The following SLK variants were observed in gnomAD, a reference collection of about 807,000 sequenced individuals.
SLK encodes STE20 like kinase.
In SLK, 67 loss-of-function variants were observed where a neutral mutation model predicts 147.7. That is an observed-to-expected ratio of 0.45 (90% CI 0.37 to 0.56). The LOEUF (loss-of-function observed/expected upper bound fraction) is 0.56, where lower values mean the gene tolerates loss of function less well. Among genes scored for constraint, SLK ranks in the 20% least tolerant of loss-of-function variants. SLK has a pLI of 0.00. For missense variants in SLK, 1,136 were observed against 1,438.8 expected (o/e 0.79, Z 3.41); for synonymous variants, 441 against 475.0 (o/e 0.93, Z 0.93).
intron 1 of SLK, among the ~76,000 whole-genome samples, chr10:103,969,406 C>G (rs1247829135): frequency 6.6e-6 from 1 of 152,238 alleles, no homozygotes; most frequent in Non-Finnish European, 1.5e-5. Flanking sequence ...ACGTTGTTCA[C>G]ATGGCTATTA....
intron 1 of SLK, among the ~76,000 whole-genome samples, chr10:103,977,941 A>G (rs1302969340): frequency 1.3e-5 from 2 of 152,152 alleles, no homozygotes; most frequent in Non-Finnish European, 2.9e-5. Context: ...ACAGCTGTTC[A>G]TATTTTGCTA....
At chr10:103,987,977 A>G (rs1463232314) in intron 1 of SLK, among the ~76,000 whole-genome samples, 1 of 152,202 alleles carries the variant, frequency 6.6e-6, no homozygotes, top group Non-Finnish European at 1.5e-5. Flanking sequence ...GACATTTAAT[A>G]TAAGTTTTAT....
intron 1 of SLK, among the ~76,000 whole-genome samples, chr10:103,968,541 GTATT>G (rs1451228846): frequency 1.3e-5 from 2 of 152,188 alleles, no homozygotes; most frequent in Non-Finnish European, 2.9e-5. Flanking sequence ...ACACACGCAT[GTATT>G]TATTTCAATA....
chr10:104,018,705 A>G lies in SLK; in HGVS notation c.3008-79A>G. The G allele has an allele frequency of 1.6e-5, 22 of 1,411,386 alleles. No individual in the cohort carries two copies. The South Asian group carries it at 2.5e-4, about 16-fold the overall frequency. 87.4% of individuals were successfully genotyped at this position (1,411,386 alleles called of 1,614,324 possible). On this transcript the variant is annotated intron_variant, in intron 14 of 18. Transcript: ENST00000369755. ...GAGTTAGTGTATTTAGAATACTTCT[A>G]TGTAAATATTAAAATGAAGAGCAAA...
In SLK at chr10:103,972,500, G is replaced by A. The variant is rs557458129; in HGVS notation, c.150+4605G>A. On this transcript the variant is annotated intron_variant, in intron 1 of 18. Coordinates refer to ENST00000369755, the MANE Select transcript of SLK (RefSeq NM_014720.4). ...ATCCTGGCTAACACGGTGAAACCCC[G>A]TCTCTACTAAAAATACAAAAAATTA... 1.1e-4 allele frequency among the ~76,000 whole-genome samples: 16 copies of A among 152,140 alleles called. No individual in the cohort carries two copies. The South Asian group carries it at 1.7e-3, about 16-fold the overall frequency.
Position 104,002,896 on chromosome 10 carries a change from A to G in SLK, c.1718A>G (p.Asp573Gly), listed in dbSNP as rs138561931. Residue 573 changes from aspartate (D) to glycine (G), a missense_variant, in exon 9 of 19, where the codon GAT (aspartate) becomes GGT (glycine). By Grantham distance (94) the Asp-to-Gly change is moderately conservative (BLOSUM62 -1). Coordinates refer to ENST00000369755, the MANE Select transcript of SLK (RefSeq NM_014720.4). Reference sequence around the variant, plus strand: ...AGTGCTGAGGATACGCAGAGTAATGATGGGAAAGAAGTGGTCGAAGTAGGC... The same window carrying G: ...AGTGCTGAGGATACGCAGAGTAATGGTGGGAAAGAAGTGGTCGAAGTAGGC... ...EDSAEDTQSN[D>G]GKEVVEVGQK... 614 of 1,614,066 alleles carry G rather than the reference A, an allele frequency of 3.8e-4. 3 individuals carry two copies. The highest frequency in any genetic ancestry group is 2.5e-3 in the Middle Eastern group (15 of 6,084).
intron 13 of SLK, among the ~76,000 whole-genome samples, chr10:104,013,509 A>G (rs1774599): frequency 0.21 from 32,538 of 152,266 alleles, 3,860 homozygotes; most frequent in African/African-American, 0.32. Context: ...AAAGAGGTCC[A>G]TCTGTTAAGT....
In SLK at chr10:103,986,499, T is replaced by G. The variant is rs548764115; in HGVS notation, c.151-4176T>G. 1.2e-3 allele frequency among the ~76,000 whole-genome samples: 177 copies of G among 152,232 alleles called. 1 individual carries two copies. Among genetic ancestry groups the G allele is most frequent in the Non-Finnish European group, 9.4e-4 (64 of 68,016 alleles). On this transcript the variant is annotated intron_variant, in intron 1 of 18. Coordinates refer to ENST00000369755, the MANE Select transcript of SLK (RefSeq NM_014720.4). ...AGGAGACAGAGCTCAGGTGGTATTG[T>G]GAGCAATGGGGAGTGGCTCTGAATA...
intron 1 of SLK, among the ~76,000 whole-genome samples, chr10:103,986,124 T>A (rs1844009131): frequency 6.6e-6 from 1 of 152,216 alleles, no homozygotes; most frequent in African/African-American, 2.4e-5. Context: ...CAGGGACTGG[T>A]TTCATGGAAG....
chr10:104,004,787 A>G (rs1305218150), intron 9 of SLK, among the ~76,000 whole-genome samples: 1 of 152,138 alleles, frequency 6.6e-6, no homozygotes, highest in Non-Finnish European at 1.5e-5. Context: ...ACCAAAATGT[A>G]TTTGTAGGAG....
rs760573207 is a variant in SLK at position 104,018,819 on chromosome 10, CACTT to C, written c.3046_3049del (p.Leu1016LysfsTer44). ...TGCAATTTGGGAGCTCGAAGAACGACACTTACAAGAAAAACACCAGCTGCTCAAA... is the reference window on the plus strand; with the variant it reads ...TGCAATTTGGGAGCTCGAAGAACGACACAAGAAAAACACCAGCTGCTCAAA... On this transcript the variant is annotated frameshift_variant, in exon 15 of 19. Transcript: ENST00000369755. LOFTEE classifies it high-confidence loss of function. 3.1e-6 allele frequency: 5 copies of C among 1,612,960 alleles called. No homozygotes were observed. The highest frequency in any genetic ancestry group is 3.4e-6 in the Non-Finnish European group (4 of 1,179,680).
rs1159980056 is a variant in SLK, at chr10:104,003,207, A to G, written c.2029A>G (p.Thr677Ala). 6.2e-7 allele frequency: 1 copy of G among 1,613,308 alleles called. No individual in the cohort carries two copies. The highest frequency in any genetic ancestry group is 1.3e-5 in the African/African-American group (1 of 74,908). ...SEVQDASKVT[T>A]QIDKEKKEIP... ...AGTTCAGGATGCTTCTAAAGTCACT[A>G]CTCAGATAGATAAAGAGAAAAAAGA... The change falls in exon 9 of 19, where the codon ACT becomes GCT. Residue 677 changes from threonine (T) to alanine (A), a missense_variant. Physicochemically the swap from Thr to Ala is moderately conservative, Grantham distance 58. Around this residue, in one of 6 missense-constraint regions of SLK, gnomAD observed 516 missense variants for 531.3 expected, o/e 0.97. Transcript: ENST00000369755.
rs188953139 is a variant in SLK, at chr10:103,997,334, C to G, written c.515-1565C>G. Among the ~76,000 whole-genome samples the G allele has an allele frequency of 1.9e-3, 289 of 152,284 alleles. 2 individuals are homozygous for G. The highest frequency in any genetic ancestry group is 0.012 in the South Asian group (60 of 4,834). On this transcript the variant is annotated intron_variant, in intron 4 of 18. Transcript: ENST00000369755. ...TTATCCGTTCATCCATCAGTGGGCA[C>G]TTGGGTTGCTTTCACTTTTTGGCTA...
chr10:103,989,808 C>T (rs539677080), intron 1 of SLK, among the ~76,000 whole-genome samples: 35 of 152,218 alleles, frequency 2.3e-4, no homozygotes, highest in African/African-American at 7.2e-4. Flanking sequence ...CATACTCTTA[C>T]GATATGATCC....
Position 103,999,350 on chromosome 10 carries a change from A to G in SLK, c.782+37A>G, listed in dbSNP as rs372276475. On this transcript the variant is annotated intron_variant, in intron 6 of 18. Transcript: ENST00000369755. ...CTTAAAAAAGCTTAATAAGAAACAA[A>G]TGATACTAGGAAGCAGAACTTGATG... The G allele has an allele frequency of 6.9e-4, 992 of 1,429,274 alleles. 3 individuals carry two copies. Among genetic ancestry groups the G allele is most frequent in the Non-Finnish European group, 8.8e-4 (915 of 1,040,922 alleles). 88.5% of individuals were successfully genotyped at this position (1,429,274 alleles called of 1,614,324 possible).
intron 1 of SLK, among the ~76,000 whole-genome samples, chr10:103,969,204 G>T (rs938212851): frequency 6.6e-6 from 1 of 152,082 alleles, no homozygotes; most frequent in Non-Finnish European, 1.5e-5. Context: ...CCCGACCTCA[G>T]GTGATCCGCC....
rs1332347711 is a variant in SLK, at chr10:104,026,085, G to A, written c.*365G>A. 1.9e-5 allele frequency: 3 copies of A among 160,616 alleles called. No homozygotes were observed. Among genetic ancestry groups the A allele is most frequent in the Admixed American group, 6.4e-5 (1 of 15,560 alleles). 9.9% of individuals were successfully genotyped at this position (160,616 alleles called of 1,614,324 possible). A position where few individuals can be genotyped will look rare whatever the true frequency, so the allele number is the denominator to read the frequency against. ...TATTAATAAATTCTTCTTACCTGAC[G>A]TAACTTCTCAATGCCTAAATTCTGT... On this transcript the variant is annotated 3_prime_UTR_variant, in exon 19 of 19. Coordinates refer to ENST00000369755, the MANE Select transcript of SLK (RefSeq NM_014720.4).
chr10:103,989,025 G>A (rs1326548219), intron 1 of SLK, among the ~76,000 whole-genome samples: 1 of 152,118 alleles, frequency 6.6e-6, no homozygotes, highest in East Asian at 1.9e-4. Flanking sequence ...CATAGCCATA[G>A]CATGCATTAA....
chr10:104,018,203 C>T lies in SLK; in HGVS notation c.2921C>T (p.Ser974Phe), dbSNP rs1275807592. ...VQKQQQELDG[S>F]LKKIIQQQKA... ...AAACAACAGCAAGAATTAGATGGCT[C>T]TCTGAAAAAGATCATCCAGCAGCAG... is the stretch of plus-strand genomic sequence containing the variant. The change falls in exon 14 of 19, where the codon TCT becomes TTT. Residue 974 changes from serine (S) to phenylalanine (F), a missense_variant. Coordinates refer to ENST00000369755, the MANE Select transcript of SLK (RefSeq NM_014720.4). 1 of 1,606,270 alleles carries T rather than the reference C, an allele frequency of 6.2e-7. No homozygotes were observed. Among genetic ancestry groups the T allele is most frequent in the Non-Finnish European group, 8.5e-7 (1 of 1,177,866 alleles).
Sources: gnomAD v4.1 joint callset for allele counts (sites outside exome capture counted in the v4.1 genomes callset) on GRCh38, gnomAD v4.1.1 for gene constraint, gnomAD v4.1.1 regional missense constraint, MANE v1.5 for transcripts, NCBI Gene and HGNC (gene_info 2026-07-23, HGNC 2026-07-21) for gene names.